NOX4: variants seen among roughly 807,000 people sequenced by gnomAD.
The protein encoded by NOX4 is NADPH oxidase 4.
A neutral mutation model predicts 87.6 loss-of-function variants in NOX4; 69 were observed. The ratio of observed to expected loss-of-function variants is 0.79; its 90% confidence interval spans 0.65 to 0.96. The LOEUF (loss-of-function observed/expected upper bound fraction) is 0.96. NOX4 is among the 40% of genes least tolerant of loss of function. NOX4 has a pLI of 0.00. For missense variants in NOX4, 680 were observed against 681.5 expected, an observed-to-expected ratio of 1.00 and a Z score of 0.02; for synonymous variants, 275 against 238.2, an observed-to-expected ratio of 1.15 and a Z score of -1.42.
chr11:89,332,557 T>G (rs1182286608), intron 17 of NOX4, among the ~76,000 whole-genome samples: 2 of 151,920 alleles, frequency 1.3e-5, no homozygotes, highest in African/African-American at 4.8e-5. Flanking sequence ...TCAAAATAAT[T>G]AGTTATTAAT....
chr11:89,341,662 GT>G (rs1175922716), intron 14 of NOX4, among the ~76,000 whole-genome samples: 1 of 152,096 alleles, frequency 6.6e-6, no homozygotes, highest in Non-Finnish European at 1.5e-5. Flanking sequence ...TTGAATGTAA[GT>G]TTTTTAAGGG....
chr11:89,435,350 A>G (rs1473246848), intron 6 of NOX4, among the ~76,000 whole-genome samples: 3 of 152,094 alleles, frequency 2.0e-5, no homozygotes, highest in African/African-American at 7.2e-5. Flanking sequence ...AGTTTTGAAC[A>G]TGCCAAAATT....
At chr11:89,368,888 A>G (rs1327068411) in intron 12 of NOX4, among the ~76,000 whole-genome samples, 1 of 152,096 alleles carries the variant, frequency 6.6e-6, no homozygotes, top group Non-Finnish European at 1.5e-5. Flanking sequence ...TCTATACTTA[A>G]CAACTCCACA....
intron 11 of NOX4, among the ~76,000 whole-genome samples, chr11:89,392,679 C>A (rs1941211428): frequency 6.6e-6 from 1 of 151,884 alleles, no homozygotes; most frequent in Non-Finnish European, 1.5e-5. Context: ...GATTCATATC[C>A]AAACTGTTAT....
chr11:89,467,596 G>A (rs1945762878), intron 2 of NOX4, among the ~76,000 whole-genome samples: 1 of 152,050 alleles, frequency 6.6e-6, no homozygotes, highest in Non-Finnish European at 1.5e-5. Flanking sequence ...TCCTCACATG[G>A]TCACTAACTA....
intron 13 of NOX4, among the ~76,000 whole-genome samples, chr11:89,344,656 G>T (rs1336128583): frequency 6.6e-6 from 1 of 152,060 alleles, no homozygotes; most frequent in Non-Finnish European, 1.5e-5. Flanking sequence ...ATCCAAGGTT[G>T]GTACTGAATG....
chr11:89,389,717 C>A (rs1940990741), intron 11 of NOX4, among the ~76,000 whole-genome samples: 1 of 152,076 alleles, frequency 6.6e-6, no homozygotes, highest in Non-Finnish European at 1.5e-5. Context: ...GCAGTGTTAG[C>A]AATATGAAAG....
Position 89,402,419 on chromosome 11 carries a change from G to A in NOX4, c.753C>T (p.Phe251=). The A allele has an allele frequency of 1.2e-6, 2 of 1,613,274 alleles. No homozygotes were observed. The highest frequency in any genetic ancestry group is 2.2e-5 in the South Asian group (2 of 91,010). The stretch of plus-strand genomic sequence containing the variant: ...CTGCCGGTTTTGAAAATCCTTCAGG[G>A]AAAGGTTCATGAAAATGTTCTGAGA... ...EYFSEHFHEP[F]PEGFSKPAEF... is the part of the protein sequence containing the mutation. Residue 251 remains phenylalanine, a synonymous_variant, in exon 9 of 18, where the codon TTC becomes TTT. Transcript: ENST00000263317.
chr11:89,575,429 A>AC, the NOX4 span, among the ~76,000 whole-genome samples: 1 of 152,226 alleles, frequency 6.6e-6, no homozygotes, highest in South Asian at 2.1e-4. Flanking sequence ...AAAAATCAAA[A>AC]TGGGAAAGCA....
At chr11:89,524,530 A>G in the NOX4 span, among the ~76,000 whole-genome samples, 1 of 152,068 alleles carries the variant, frequency 6.6e-6, no homozygotes, top group African/African-American at 2.4e-5. Context: ...ATTGATTCAT[A>G]CTCCTATGTA....
At chr11:89,573,370 A>G in the NOX4 span, among the ~76,000 whole-genome samples, 101 of 152,258 alleles carry the variant, frequency 6.6e-4, 1 homozygote, top group African/African-American at 2.1e-3. Flanking sequence ...CCCTGTCTCT[A>G]CTAAAAAAAG....
At chr11:89,528,927 A>G in the NOX4 span, among the ~76,000 whole-genome samples, 1 of 152,192 alleles carries the variant, frequency 6.6e-6, no homozygotes, top group Non-Finnish European at 1.5e-5. Flanking sequence ...GATAGGACAA[A>G]ATATTAAGCA....
the NOX4 span, among the ~76,000 whole-genome samples, chr11:89,524,227 G>A: frequency 1.3e-5 from 2 of 152,142 alleles, no homozygotes; most frequent in Non-Finnish European, 2.9e-5. Flanking sequence ...ATAGAGCACT[G>A]TTTAATGCCT....
At chr11:89,444,109 A>G (rs566873580) in intron 5 of NOX4, 26 bp downstream of exon 5, 1 of 1,602,524 alleles carries the variant, frequency 6.2e-7, no homozygotes, top group South Asian at 1.1e-5. Context: ...AAGTGAAAGA[A>G]AAATGGGAAG....
At chr11:89,547,553 T>C in the NOX4 span, among the ~76,000 whole-genome samples, 1 of 152,206 alleles carries the variant, frequency 6.6e-6, no homozygotes, top group Non-Finnish European at 1.5e-5. Flanking sequence ...CAATTTCATG[T>C]CTCACCCTAA....
the NOX4 span, among the ~76,000 whole-genome samples, chr11:89,532,824 G>A: frequency 1.4e-4 from 21 of 152,082 alleles, no homozygotes; most frequent in South Asian, 1.0e-3. Context: ...CTTCCATGAC[G>A]TTCTCATGAT....
intron 12 of NOX4, among the ~76,000 whole-genome samples, chr11:89,372,535 G>C (rs1939521610): frequency 6.6e-6 from 1 of 151,768 alleles, no homozygotes; most frequent in South Asian, 2.1e-4. Context: ...CCTGATTTTT[G>C]ACAACACTGT....
chr11:89,372,568 A>G (rs1939525391), intron 12 of NOX4, among the ~76,000 whole-genome samples: 1 of 151,804 alleles, frequency 6.6e-6, no homozygotes, highest in South Asian at 2.1e-4. Flanking sequence ...AATTACCTAC[A>G]TCTTTCTTCA....
At chr11:89,580,248 G>A in the NOX4 span, among the ~76,000 whole-genome samples, 12 of 152,244 alleles carry the variant, frequency 7.9e-5, no homozygotes, top group Non-Finnish European at 1.6e-4. Context: ...GCAGTGGCAT[G>A]ATTATAGCTC....
Sources: allele counts gnomAD v4.1 joint callset (sites outside exome capture counted in the v4.1 genomes callset), GRCh38; gene constraint gnomAD v4.1.1; transcripts MANE v1.5; gene names NCBI Gene and HGNC (gene_info 2026-07-23, HGNC 2026-07-21).